The following FGF14 variants were observed in gnomAD, a reference collection of about 807,000 sequenced individuals.
FGF14 encodes the protein fibroblast growth factor 14.
A neutral mutation model predicts 25.5 loss-of-function variants in FGF14; 5 were observed. The ratio of observed to expected loss-of-function variants is 0.20; its 90% CI spans 0.10 to 0.41. FGF14 has a LOEUF of 0.41. Among genes scored for constraint, FGF14 ranks in the 10% least tolerant of loss-of-function variants. The probability of loss-of-function intolerance (pLI) is 1.00; values close to 1 mark genes in which losing one functional copy is unlikely to be tolerated. For missense variants in FGF14, 222 were observed against 320.1 expected (o/e 0.69, Z 2.34); for synonymous variants, 138 against 118.3 (o/e 1.17, Z -1.08).
intron 1 of FGF14, among the ~76,000 whole-genome samples, chr13:101,954,700 G>GT (rs1491455584): frequency 1.0e-4 from 4 of 39,952 alleles, no homozygotes; most frequent in Non-Finnish European, 1.6e-4. Flanking sequence ...TTCACTGAAA[G>GT]TGTGTGTGTG....
At chr13:101,751,467 C>T (rs1485623803) in intron 3 of FGF14, among the ~76,000 whole-genome samples, 1 of 152,040 alleles carries the variant, frequency 6.6e-6, no homozygotes, top group Non-Finnish European at 1.5e-5. Flanking sequence ...CAAAGGCTCC[C>T]CCACTGATGT....
At chr13:102,081,673 T>A (rs369634096) in intron 1 of FGF14, among the ~76,000 whole-genome samples, 32 of 152,330 alleles carry the variant, frequency 2.1e-4, no homozygotes, top group African/African-American at 7.7e-4. Context: ...ATTAGTTATA[T>A]AATTATCTTA....
intron 3 of FGF14, among the ~76,000 whole-genome samples, chr13:101,733,055 G>A (rs1305233941): frequency 6.6e-6 from 1 of 152,108 alleles, no homozygotes; most frequent in Non-Finnish European, 1.5e-5. Context: ...GTACTCTTAA[G>A]ATTACTTATA....
At chr13:102,272,801 G>A (rs1267296443) in intron 1 of FGF14, among the ~76,000 whole-genome samples, 1 of 151,676 alleles carries the variant, frequency 6.6e-6, no homozygotes, top group African/African-American at 2.4e-5. Context: ...AGATATTGAG[G>A]GCCAGAGTTT....
intron 3 of FGF14, among the ~76,000 whole-genome samples, chr13:101,787,014 T>C (rs539660434): frequency 6.6e-6 from 1 of 152,284 alleles, no homozygotes; most frequent in East Asian, 1.9e-4. Flanking sequence ...ACAATCTGTC[T>C]TGTCTTCCCA....
intron 1 of FGF14, among the ~76,000 whole-genome samples, chr13:102,133,381 G>A (rs1044001597): frequency 6.6e-6 from 1 of 152,108 alleles, no homozygotes; most frequent in African/African-American, 2.4e-5. Flanking sequence ...ACTTACGAAT[G>A]TCTTATTAAA....
At chr13:102,131,887 A>C (rs1188554018) in intron 1 of FGF14, among the ~76,000 whole-genome samples, 2 of 152,222 alleles carry the variant, frequency 1.3e-5, no homozygotes, top group Non-Finnish European at 2.9e-5. Flanking sequence ...TCATCGAAAT[A>C]GCAGAAATAG....
intron 1 of FGF14, among the ~76,000 whole-genome samples, chr13:101,952,203 A>C (rs1006718511): frequency 6.6e-6 from 1 of 152,204 alleles, no homozygotes; most frequent in Non-Finnish European, 1.5e-5. Context: ...TGACTTGTCT[A>C]CAATCTTGCA....
chr13:101,757,762 G>C (rs773712489), intron 3 of FGF14, among the ~76,000 whole-genome samples: 13 of 152,106 alleles, frequency 8.5e-5, no homozygotes, highest in Admixed American at 4.6e-4. Context: ...TTTTATCAGC[G>C]TGTCAAAGAT....
intron 2 of FGF14, among the ~76,000 whole-genome samples, chr13:101,870,782 C>G (rs569015138): frequency 3.3e-5 from 5 of 152,042 alleles, no homozygotes; most frequent in Non-Finnish European, 7.4e-5. Flanking sequence ...GGTGAAACCT[C>G]GTCTCTACTA....
chr13:102,225,374 C>T (rs2050786287), intron 1 of FGF14, among the ~76,000 whole-genome samples: 1 of 152,144 alleles, frequency 6.6e-6, no homozygotes, highest in Non-Finnish European at 1.5e-5. Context: ...TTTAACTACC[C>T]GCTCATTCAG....
chr13:102,360,305 A>T (rs2057530765), intron 1 of FGF14, among the ~76,000 whole-genome samples: 2 of 152,172 alleles, frequency 1.3e-5, no homozygotes, highest in South Asian at 4.1e-4. Flanking sequence ...AACAGTCTAC[A>T]TATTTGAAAA....
intron 1 of FGF14, among the ~76,000 whole-genome samples, chr13:101,972,261 G>A (rs997171219): frequency 3.3e-5 from 5 of 152,204 alleles, no homozygotes; most frequent in African/African-American, 1.2e-4. Flanking sequence ...AGTGCTGAAC[G>A]AGGTTGCTGG....
At chr13:101,939,960 A>G (rs371731157) in intron 1 of FGF14, among the ~76,000 whole-genome samples, 1 of 152,226 alleles carries the variant, frequency 6.6e-6, no homozygotes, top group Non-Finnish European at 1.5e-5. Flanking sequence ...AATTTTGCAG[A>G]CGGATATATT....
chr13:101,909,137 C>T (rs919287905), intron 1 of FGF14, among the ~76,000 whole-genome samples: 1 of 152,058 alleles, frequency 6.6e-6, no homozygotes, highest in Non-Finnish European at 1.5e-5. Flanking sequence ...CCATAAAAAC[C>T]CTAGAAGTAA....
rs1049014306 is a variant in FGF14 at position 102,271,690 on chromosome 13, C to A, written c.208+129781G>T. The stretch of plus-strand genomic sequence containing the variant: ...AAATTCCAAATAACTAGTACAGTGT[C>A]TGGGTCTGCAATAAATGTTATGAAT... On this transcript the variant is annotated intron_variant, in intron 1 of 4. Coordinates refer to the FGF14 transcript ENST00000376131. 3.9e-5 allele frequency among the ~76,000 whole-genome samples: 6 copies of A among 152,276 alleles called. No individual in the cohort carries two copies. The South Asian group carries it at 1.0e-3, about 26-fold the overall frequency.
chr13:102,372,059 T>C (rs1448455768), intron 1 of FGF14, among the ~76,000 whole-genome samples: 1 of 152,176 alleles, frequency 6.6e-6, no homozygotes, highest in Non-Finnish European at 1.5e-5. Flanking sequence ...TTTTCTTTAT[T>C]GATATTAATT....
upstream of FGF14, among the ~76,000 whole-genome samples, chr13:101,920,079 G>C (rs2139160217): frequency 6.6e-6 from 1 of 152,252 alleles, no homozygotes; most frequent in Non-Finnish European, 1.5e-5. Flanking sequence ...CTGTTTAGTT[G>C]TTTACGGATG....
chr13:102,107,254 C>T (rs2044969457), intron 1 of FGF14, among the ~76,000 whole-genome samples: 1 of 152,134 alleles, frequency 6.6e-6, no homozygotes, highest in South Asian at 2.1e-4. Context: ...AAATCTGGTT[C>T]CAAGTACTGT....
Sources: allele counts gnomAD v4.1 joint callset (sites outside exome capture counted in the v4.1 genomes callset), GRCh38; gene constraint gnomAD v4.1.1; transcripts MANE v1.5; gene names NCBI Gene and HGNC (gene_info 2026-07-23, HGNC 2026-07-21).